Variants in ZNF808 observed in about 807,000 individuals in gnomAD.
The protein encoded by ZNF808 is zinc finger protein 808.
In ZNF808, 5 loss-of-function variants were observed where a neutral mutation model predicts 8.7. The ratio of observed to expected loss-of-function variants is 0.58; its 90% confidence interval spans 0.30 to 1.21. The LOEUF (loss-of-function observed/expected upper bound fraction) is 1.21. ZNF808 is among the 50% of genes most tolerant of loss of function. The pLI, the probability that ZNF808 is intolerant of heterozygous loss-of-function variation, is 0.07. For missense variants in ZNF808, 1,103 were observed against 1,098.4 expected (o/e 1.00, Z -0.06); for synonymous variants, 380 against 366.0 (o/e 1.04, Z -0.44).
At chr19:52,566,480 T>G (rs1003643373), downstream of ZNF808, among the ~76,000 whole-genome samples, 2 of 152,166 alleles carry the variant, frequency 1.3e-5, no homozygotes, top group African/African-American at 4.8e-5. Context: ...GATATATTTC[T>G]AGTATTAGAT....
intron 3 of ZNF808, among the ~76,000 whole-genome samples, chr19:52,545,974 A>T (rs111515166): frequency 0.02 from 3,070 of 152,248 alleles, 87 homozygotes; most frequent in African/African-American, 0.069. Context: ...TGAATCCCAG[A>T]CATCTGGATT....
chr19:52,538,249 C>T (rs2059632110), intron 2 of ZNF808, among the ~76,000 whole-genome samples: 1 of 132,502 alleles, frequency 7.5e-6, no homozygotes, highest in South Asian at 2.4e-4. Flanking sequence ...TCTCAAAATC[C>T]TGGGCTCAAA....
At chr19:52,537,933 G>A (rs1355184783) in intron 2 of ZNF808, among the ~76,000 whole-genome samples, 2 of 152,018 alleles carry the variant, frequency 1.3e-5, no homozygotes, top group Non-Finnish European at 2.9e-5. Flanking sequence ...ATTCAATTGT[G>A]GGTCACTCTT....
At position 52,547,635 on chromosome 19, in the gene ZNF808, G is replaced by A; in HGVS notation, c.187G>A (p.Val63Met). 2 of 1,613,896 alleles carry A rather than the reference G, an allele frequency of 1.2e-6. No homozygotes were observed. The highest frequency in any genetic ancestry group is 1.7e-6 in the Non-Finnish European group (2 of 1,179,930). The change falls in exon 4 of 5, where the codon GTG becomes ATG. Residue 63 changes from valine to methionine, a missense_variant. By Grantham distance (21) the Val-to-Met change is conservative. Coordinates refer to ENST00000359798, the MANE Select transcript of ZNF808 (RefSeq NM_001039886.4). ...GGAGAACTACAGGAACCTGGAGGCT[G>A]TGGGTGAGGAAAATGTCCCTGCAGA... ...MLENYRNLEA[V>M]DISSKHMMKE...
At chr19:52,564,122 A>G in exon 4 of ZNF808, 1 of 681,474 alleles carries the variant, frequency 1.5e-6, no homozygotes, top group Non-Finnish European at 2.7e-6. Flanking sequence ...CTGGCCAACA[A>G]CCAAAAGTAA....
downstream of ZNF808, among the ~76,000 whole-genome samples, chr19:52,566,713 G>T (rs1045978161): frequency 2.0e-5 from 3 of 152,076 alleles, no homozygotes; most frequent in Non-Finnish European, 4.4e-5. Flanking sequence ...CAGGATCCTA[G>T]GGGAGCTAGG....
At chr19:52,552,411 CTT>C (rs777720809) in intron 4 of ZNF808, among the ~76,000 whole-genome samples, 1 of 141,780 alleles carries the variant, frequency 7.1e-6, no homozygotes. Context: ...TAACTTTTTT[CTT>C]TTTTTTTTTT....
At chr19:52,529,095 G>A (rs1021047114) in intron 1 of ZNF808, among the ~76,000 whole-genome samples, 2 of 151,832 alleles carry the variant, frequency 1.3e-5, no homozygotes, top group Admixed American at 1.3e-4. Context: ...AGAAAGGGGG[G>A]CTAGGCACAG....
intron 3 of ZNF808, among the ~76,000 whole-genome samples, chr19:52,545,711 C>G (rs565208352): frequency 5.3e-5 from 8 of 151,544 alleles, no homozygotes; most frequent in Admixed American, 4.6e-4. Flanking sequence ...CTGGGTGGCA[C>G]AGGTTGCAGT....
In ZNF808 at chr19:52,563,943, C is replaced by T. The variant is rs191566813; in HGVS notation, c.*1048C>T. The T allele has an allele frequency of 2.5e-3, 789 of 315,722 alleles. 8 individuals carry two copies. Among genetic ancestry groups the T allele is most frequent in the Non-Finnish European group, 1.0e-3 (172 of 168,950 alleles). 19.6% of individuals were successfully genotyped at this position (315,722 alleles called of 1,614,324 possible). On this transcript the variant is annotated 3_prime_UTR_variant and NMD_transcript_variant, in exon 4 of 4. Transcript: ENST00000487863. ...CCCGGGAGGCGGAAGTTTCGATGAG[C>T]CGGGATCCTGCCGTTGCACTCCAGC...
chr19:52,547,610 G>A lies in ZNF808; in HGVS notation c.162G>A (p.Leu54=). 1 of 1,614,020 alleles carries A rather than the reference G, an allele frequency of 6.2e-7. No individual in the cohort carries two copies. Among genetic ancestry groups the A allele is most frequent in the Non-Finnish European group, 8.5e-7 (1 of 1,179,966 alleles). ...GGGCTTTGTACAGGGAAGTGATGTT[G>A]GAGAACTACAGGAACCTGGAGGCTG... ...AQRALYREVM[L]ENYRNLEAVD... The change falls in exon 4 of 5, where the codon TTG becomes TTA. Residue 54 remains leucine (L), a synonymous_variant. Coordinates refer to ENST00000359798, the MANE Select transcript of ZNF808 (RefSeq NM_001039886.4).
At chr19:52,534,753 G>A (rs1241121538) in intron 2 of ZNF808, among the ~76,000 whole-genome samples, 1 of 151,942 alleles carries the variant, frequency 6.6e-6, no homozygotes, top group Non-Finnish European at 1.5e-5. Flanking sequence ...GCTGGGCATG[G>A]TCGTGTGCGC....
At chr19:52,567,665 C>T (rs2146971867), downstream of ZNF808, among the ~76,000 whole-genome samples, 1 of 151,784 alleles carries the variant, frequency 6.6e-6, no homozygotes, top group East Asian at 1.9e-4. Context: ...GCTGGGACTA[C>T]AGGCTCATGC....
intron 3 of ZNF808, among the ~76,000 whole-genome samples, chr19:52,561,444 T>C (rs1363515649): frequency 1.3e-5 from 2 of 152,012 alleles, no homozygotes; most frequent in Non-Finnish European, 2.9e-5. Context: ...TTCAGGCCCA[T>C]GATCAAGTTT....
downstream of ZNF808, among the ~76,000 whole-genome samples, chr19:52,559,250 C>G (rs1164890826): frequency 6.6e-6 from 1 of 152,074 alleles, no homozygotes; most frequent in African/African-American, 2.4e-5. Flanking sequence ...ATTCCATCTA[C>G]TGAGATAGGA....
chr19:52,550,290 G>T (rs2059764169), intron 4 of ZNF808, among the ~76,000 whole-genome samples: 1 of 150,754 alleles, frequency 6.6e-6, no homozygotes, highest in Non-Finnish European at 1.5e-5. Context: ...AAGTTCAATT[G>T]CACAATCTCA....
intron 3 of ZNF808, among the ~76,000 whole-genome samples, chr19:52,544,705 G>A (rs1324848867): frequency 6.6e-6 from 1 of 152,006 alleles, no homozygotes; most frequent in Non-Finnish European, 1.5e-5. Flanking sequence ...CTTTAGCCTT[G>A]ATATCCTGGC....
chr19:52,542,514 T>C lies in ZNF808; in HGVS notation c.-19-752T>C, dbSNP rs1308704052. ...CTAGGTCCTTGTTCTGATATCATCT[T>C]CTCCGGGTTTCCTTTGTGATCTCCC... On this transcript the variant is annotated intron_variant, in intron 2 of 4. Coordinates refer to ENST00000359798, the MANE Select transcript of ZNF808 (RefSeq NM_001039886.4). Among the ~76,000 whole-genome samples the C allele has an allele frequency of 2.0e-5, 3 of 152,066 alleles. No individual in the cohort carries two copies. The East Asian group carries it at 5.8e-4, about 29-fold the overall frequency.
At position 52,556,049 on chromosome 19, in the gene ZNF808, C is replaced by G; in HGVS notation, c.*421C>G. On this transcript the variant is annotated 3_prime_UTR_variant, in exon 5 of 5. Transcript: ENST00000359798. ...ATTTTTGAGATAACTGTTCCCAATG[C>G]AGTGAGTATAGCAAACCATCAAGCA... 2 of 504,518 alleles carry G rather than the reference C, an allele frequency of 4.0e-6. No individual in the cohort carries two copies. Among genetic ancestry groups the G allele is most frequent in the East Asian group, 1.1e-4 (2 of 18,372 alleles). 31.3% of individuals were successfully genotyped at this position (504,518 alleles called of 1,614,324 possible). A position where few individuals can be genotyped will look rare whatever the true frequency, so the allele number is the denominator to read the frequency against.
Sources: gnomAD v4.1 joint callset for allele counts (sites outside exome capture counted in the v4.1 genomes callset) on GRCh38, gnomAD v4.1.1 for gene constraint, MANE v1.5 for transcripts, NCBI Gene and HGNC (gene_info 2026-07-23, HGNC 2026-07-21) for gene names.